Variants in ZBTB20 observed in about 807,000 individuals in gnomAD.
ZBTB20 encodes the protein zinc finger and BTB domain-containing protein 20.
In ZBTB20, 9 loss-of-function variants were observed where a neutral mutation model predicts 56.9. That is an observed-to-expected ratio of 0.16 (90% CI 0.10 to 0.28). The LOEUF (loss-of-function observed/expected upper bound fraction) is 0.28, where lower values mean the gene tolerates loss of function less well. Among genes scored for constraint, ZBTB20 ranks in the 10% least tolerant of loss-of-function variants. The pLI, the probability that ZBTB20 is intolerant of heterozygous loss-of-function variation, is 1.00. For missense variants in ZBTB20, 655 were observed against 1,003.0 expected (o/e 0.65, Z 4.69); for synonymous variants, 417 against 420.7 (o/e 0.99, Z 0.11).
intron 6 of ZBTB20, among the ~76,000 whole-genome samples, chr3:114,614,761 G>C (rs989852266): frequency 1.5e-4 from 23 of 151,958 alleles, no homozygotes; most frequent in Admixed American, 1.1e-3. Flanking sequence ...TTGTTTGTTT[G>C]TTTGTTTTGA....
chr3:114,668,678 G>C (rs1221166954), intron 6 of ZBTB20, among the ~76,000 whole-genome samples: 1 of 152,020 alleles, frequency 6.6e-6, no homozygotes, highest in Non-Finnish European at 1.5e-5. Context: ...GATGTTGAAA[G>C]GGGAATTTAA....
At chr3:114,921,547 T>A (rs184160066) in intron 3 of ZBTB20, among the ~76,000 whole-genome samples, 2 of 152,124 alleles carry the variant, frequency 1.3e-5, no homozygotes, top group East Asian at 3.9e-4. Context: ...AAGGCCAGCA[T>A]TGCCCTCATA....
intron 3 of ZBTB20, among the ~76,000 whole-genome samples, chr3:114,925,697 T>C (rs1389650599): frequency 2.0e-5 from 3 of 152,052 alleles, no homozygotes; most frequent in Admixed American, 2.0e-4. Flanking sequence ...TGGCTAAATT[T>C]TTGTATTTTT....
At chr3:114,783,307 T>C (rs1286037241) in intron 5 of ZBTB20, among the ~76,000 whole-genome samples, 1 of 152,236 alleles carries the variant, frequency 6.6e-6, no homozygotes, top group African/African-American at 2.4e-5. Context: ...GAATTTCTTC[T>C]GATTTGGTCT....
chr3:115,078,341 G>A (rs2082668576), intron 1 of ZBTB20, among the ~76,000 whole-genome samples: 1 of 152,024 alleles, frequency 6.6e-6, no homozygotes, highest in African/African-American at 2.4e-5. Context: ...CAGAACTCTG[G>A]TAAACCATAA....
chr3:114,642,787 A>G (rs747408808), intron 6 of ZBTB20, among the ~76,000 whole-genome samples: 18 of 152,114 alleles, frequency 1.2e-4, no homozygotes, highest in Non-Finnish European at 2.1e-4. Context: ...AATTCAACCA[A>G]TAAATGAATT....
intron 5 of ZBTB20, among the ~76,000 whole-genome samples, chr3:114,715,891 A>G (rs1012823816): frequency 6.6e-6 from 1 of 152,220 alleles, no homozygotes; most frequent in Non-Finnish European, 1.5e-5. Context: ...AGCCCATTTT[A>G]CAGACTGACA....
chr3:114,829,502 G>T (rs2073729977), intron 4 of ZBTB20, among the ~76,000 whole-genome samples: 1 of 151,846 alleles, frequency 6.6e-6, no homozygotes, highest in Non-Finnish European at 1.5e-5. Flanking sequence ...ATAGGCAAAA[G>T]AGAGTTCAAG....
At chr3:115,062,288 C>A (rs1000955834) in intron 2 of ZBTB20, among the ~76,000 whole-genome samples, 2 of 152,228 alleles carry the variant, frequency 1.3e-5, no homozygotes. Context: ...TTGAAACTTA[C>A]AATTCTCTCT....
chr3:115,066,402 C>A (rs1208033577), intron 2 of ZBTB20, among the ~76,000 whole-genome samples: 1 of 152,058 alleles, frequency 6.6e-6, no homozygotes, highest in Admixed American at 6.6e-5. Flanking sequence ...CTTATCAATT[C>A]TACTTCCTAA....
At chr3:114,416,064 T>A (rs1438025975) in intron 7 of ZBTB20, among the ~76,000 whole-genome samples, 1 of 152,020 alleles carries the variant, frequency 6.6e-6, no homozygotes, top group Non-Finnish European at 1.5e-5. Flanking sequence ...TCACCCCATC[T>A]CCTACAGGGG....
intron 10 of ZBTB20, among the ~76,000 whole-genome samples, chr3:114,369,436 C>T (rs1448085821): frequency 6.6e-6 from 1 of 152,198 alleles, no homozygotes; most frequent in Admixed American, 6.5e-5. Flanking sequence ...TATAAAGACT[C>T]ATGTTCAACA....
At chr3:115,008,498 A>C (rs1299826768) in intron 2 of ZBTB20, among the ~76,000 whole-genome samples, 1 of 151,960 alleles carries the variant, frequency 6.6e-6, no homozygotes, top group Non-Finnish European at 1.5e-5. Context: ...AACATAAAGA[A>C]CATCTTTTTG....
At chr3:114,924,538 A>G (rs1348732563) in intron 3 of ZBTB20, among the ~76,000 whole-genome samples, 1 of 152,204 alleles carries the variant, frequency 6.6e-6, no homozygotes, top group African/African-American at 2.4e-5. Context: ...AGAAAGACTG[A>G]TGATTGCCAG....
chr3:114,763,011 T>TA (rs2068543576), intron 5 of ZBTB20, among the ~76,000 whole-genome samples: 1 of 152,188 alleles, frequency 6.6e-6, no homozygotes, highest in Non-Finnish European at 1.5e-5. Context: ...TTCTAATTCC[T>TA]AAACTTATAT....
chr3:114,333,133 G>A lies in ZBTB20; in HGVS notation c.*5872C>T, dbSNP rs142284743. 5 of 152,296 alleles carry A rather than the reference G, an allele frequency of 3.3e-5. No individual in the cohort carries two copies. Among genetic ancestry groups the A allele is most frequent in the Non-Finnish European group, 4.4e-5 (3 of 68,006 alleles). The allele number at this position is 152,296 out of a possible 1,614,324, so 9.4% of individuals were successfully genotyped here. A position where few individuals can be genotyped will look rare whatever the true frequency, so the allele number is the denominator to read the frequency against. On this transcript the variant is annotated 3_prime_UTR_variant, in exon 12 of 12. Transcript: ENST00000675478. Reference sequence around the variant, plus strand: ...TTGCAATATTTTGGTCAGGCTGATCGTCTTGATACTCAGTGCTAGAAATGA... The same window carrying A: ...TTGCAATATTTTGGTCAGGCTGATCATCTTGATACTCAGTGCTAGAAATGA...
At chr3:114,968,038 T>C (rs1464519477) in intron 3 of ZBTB20, among the ~76,000 whole-genome samples, 1 of 152,108 alleles carries the variant, frequency 6.6e-6, no homozygotes, top group East Asian at 1.9e-4. Context: ...CAAGCTATTA[T>C]ATAAAAATAT....
chr3:114,453,138 C>T (rs1352308696), intron 7 of ZBTB20, among the ~76,000 whole-genome samples: 2 of 152,128 alleles, frequency 1.3e-5, no homozygotes, highest in African/African-American at 4.8e-5. Context: ...GATAAGCATT[C>T]TGAAATGTTT....
At chr3:114,979,730 A>T (rs919696033) in intron 2 of ZBTB20, among the ~76,000 whole-genome samples, 3 of 152,074 alleles carry the variant, frequency 2.0e-5, no homozygotes, top group African/African-American at 7.2e-5. Flanking sequence ...CGTCAAGAAG[A>T]CAAGGATACA....
Sources: allele counts gnomAD v4.1 joint callset (sites outside exome capture counted in the v4.1 genomes callset), GRCh38; gene constraint gnomAD v4.1.1; transcripts MANE v1.5; gene names NCBI Gene and HGNC (gene_info 2026-07-23, HGNC 2026-07-21).